Variants in CACNA1E observed in about 807,000 individuals in gnomAD.
The protein encoded by CACNA1E is calcium voltage-gated channel subunit alpha1 E.
CACNA1E carries 40 observed loss-of-function variants against 259.2 expected under a neutral mutation model. The ratio of observed to expected loss-of-function variants is 0.15; its 90% CI spans 0.12 to 0.20. CACNA1E has a LOEUF of 0.20. CACNA1E is among the 10% of genes least tolerant of loss of function. The pLI, the probability that CACNA1E is intolerant of heterozygous loss-of-function variation, is 1.00. For missense variants in CACNA1E, 1,874 were observed against 3,040.1 expected, an observed-to-expected ratio of 0.62 and a Z score of 9.02; for synonymous variants, 1,104 against 1,138.5, an observed-to-expected ratio of 0.97 and a Z score of 0.61.
chr1:181,658,105 T>C (rs2102110438), intron 7 of CACNA1E, among the ~76,000 whole-genome samples: 1 of 152,372 alleles, frequency 6.6e-6, no homozygotes, highest in South Asian at 2.1e-4. Context: ...AGACAGATTC[T>C]TACTATATAT....
chr1:181,772,193 G>C lies in CACNA1E; in HGVS notation c.5101G>C (p.Val1701Leu). 1 of 1,613,914 alleles carries C rather than the reference G, an allele frequency of 6.2e-7. No homozygotes were observed. The highest frequency in any genetic ancestry group is 8.5e-7 in the Non-Finnish European group (1 of 1,179,826). ...NERCGTDLAY[V>L]YFVSFIFFCS... ...ACGCTGCGGCACCGATCTGGCCTAC[G>C]TGTACTTTGTCTCCTTCATCTTCTT... Residue 1701 changes from valine (V) to leucine (L), a missense_variant, in exon 37 of 48, where the codon GTG (valine) becomes CTG (leucine). By Grantham distance (32) the Val-to-Leu change is conservative. Coordinates refer to ENST00000367573, the MANE Select transcript of CACNA1E (RefSeq NM_001205293.3).
intron 6 of CACNA1E, among the ~76,000 whole-genome samples, chr1:181,582,382 G>C (rs1268230197): frequency 6.6e-6 from 1 of 152,234 alleles, no homozygotes; most frequent in African/African-American, 2.4e-5. Flanking sequence ...TTGAGGCCAT[G>C]CCACTCAAAT....
At chr1:181,417,671 T>G (rs1222239257) in intron 2 of CACNA1E, among the ~76,000 whole-genome samples, 1 of 152,196 alleles carries the variant, frequency 6.6e-6, no homozygotes, top group Admixed American at 6.5e-5. Context: ...CTATTCACTC[T>G]CACACTCCTC....
intron 3 of CACNA1E, among the ~76,000 whole-genome samples, chr1:181,550,185 G>T (rs1038718040): frequency 6.6e-6 from 1 of 152,138 alleles, no homozygotes; most frequent in Non-Finnish European, 1.5e-5. Flanking sequence ...ATACTTAGGG[G>T]TCTTTAAACT....
In CACNA1E at chr1:181,358,474, T is replaced by A. The variant is rs554588731; in HGVS notation, c.-15+40351T>A. Among the ~76,000 whole-genome samples the A allele has an allele frequency of 4.4e-4, 67 of 152,354 alleles. 2 individuals are homozygous for A. In the South Asian group the frequency reaches 0.011, roughly 25 times the overall value. On this transcript the variant is annotated intron_variant, in intron 1 of 11. Transcript: ENST00000524607. ...ATTTGGTGAAATCTTATTCAATGTA[T>A]AATCTTATGAAAATTTACTAGGTTG...
chr1:181,365,939 A>G (rs1275313555), intron 1 of CACNA1E, among the ~76,000 whole-genome samples: 1 of 152,202 alleles, frequency 6.6e-6, no homozygotes, highest in African/African-American at 2.4e-5. Flanking sequence ...GGTGAGCACA[A>G]GTGAGATGGT....
At chr1:181,531,274 G>C (rs1320688012) in intron 3 of CACNA1E, among the ~76,000 whole-genome samples, 1 of 152,150 alleles carries the variant, frequency 6.6e-6, no homozygotes, top group Non-Finnish European at 1.5e-5. Flanking sequence ...TGTTGTGTGG[G>C]AACCAGTCTA....
intron 3 of CACNA1E, among the ~76,000 whole-genome samples, chr1:181,512,674 C>T (rs553458155): frequency 6.6e-6 from 1 of 152,262 alleles, no homozygotes; most frequent in South Asian, 2.1e-4. Flanking sequence ...AGAGAAAACA[C>T]TGAAGATGTA....
chr1:181,782,768 T>TAAA (rs1324878749), intron 39 of CACNA1E, among the ~76,000 whole-genome samples: 8 of 152,216 alleles, frequency 5.3e-5, no homozygotes, highest in South Asian at 2.1e-4. Flanking sequence ...GTGCACAGCT[T>TAAA]AGGGGCTGGC....
At chr1:181,452,571 G>A (rs1486606647) in intron 2 of CACNA1E, among the ~76,000 whole-genome samples, 1 of 152,132 alleles carries the variant, frequency 6.6e-6, no homozygotes, top group East Asian at 1.9e-4. Flanking sequence ...CTCAGCCAGG[G>A]CTCTCAGGAA....
chr1:181,430,568 A>T (rs1659646759), intron 2 of CACNA1E, among the ~76,000 whole-genome samples: 1 of 152,146 alleles, frequency 6.6e-6, no homozygotes, highest in African/African-American at 2.4e-5. Context: ...CGAAAAGAGG[A>T]GGAAACCTTT....
At chr1:181,420,557 A>G (rs907529100) in intron 2 of CACNA1E, among the ~76,000 whole-genome samples, 2 of 152,212 alleles carry the variant, frequency 1.3e-5, no homozygotes, top group African/African-American at 4.8e-5. Context: ...ATTATTTATA[A>G]TTTACAGGAG....
chr1:181,737,971 G>A (rs1363329354), intron 23 of CACNA1E, among the ~76,000 whole-genome samples: 1 of 152,218 alleles, frequency 6.6e-6, no homozygotes, highest in Non-Finnish European at 1.5e-5. Context: ...CCACCACAGG[G>A]GGCCAAGGCC....
chr1:181,737,720 G>A (rs1656182633), intron 23 of CACNA1E, 66 bp downstream of exon 23: 4 of 1,558,808 alleles, frequency 2.6e-6, no homozygotes, highest in Middle Eastern at 1.7e-4. Context: ...CCCAGCACTG[G>A]AGGTGAACCG....
chr1:181,542,556 A>T (rs753666342), intron 3 of CACNA1E, among the ~76,000 whole-genome samples: 10 of 151,896 alleles, frequency 6.6e-5, no homozygotes, highest in South Asian at 2.1e-4. Flanking sequence ...TTCTCACGAG[A>T]TCTGATGGTT....
At position 181,784,654 on chromosome 1, in the gene CACNA1E, A is replaced by T. The variant is rs775154717; in HGVS notation, c.5471-7A>T. Reference sequence around the variant, plus strand: ...ATTCTATTTATTAGTAATTTATCTTATTCTAGGTGGTGCAGACAGGCAGCA... The same window carrying T: ...ATTCTATTTATTAGTAATTTATCTTTTTCTAGGTGGTGCAGACAGGCAGCA... On this transcript the variant is annotated splice_region_variant and splice_polypyrimidine_tract_variant and intron_variant, in intron 40 of 47. Coordinates refer to ENST00000367573, the MANE Select transcript of CACNA1E (RefSeq NM_001205293.3). 14 of 1,548,752 alleles carry T rather than the reference A, an allele frequency of 9.0e-6. No individual in the cohort carries two copies. Among genetic ancestry groups the T allele is most frequent in the Non-Finnish European group, 1.1e-5 (13 of 1,141,094 alleles).
intron 43 of CACNA1E, among the ~76,000 whole-genome samples, chr1:181,787,150 C>T (rs868576386): frequency 2.6e-5 from 4 of 152,054 alleles, no homozygotes; most frequent in Non-Finnish European, 4.4e-5. Context: ...GACGGAGTCT[C>T]GCTCTGTTGC....
intron 22 of CACNA1E, among the ~76,000 whole-genome samples, chr1:181,736,856 T>C (rs1656087651): frequency 6.6e-6 from 1 of 152,102 alleles, no homozygotes; most frequent in Non-Finnish European, 1.5e-5. Flanking sequence ...CTGCTCTACA[T>C]GTGGAGTTTT....
chr1:181,565,963 A>T (rs984552451), intron 3 of CACNA1E, among the ~76,000 whole-genome samples: 3 of 152,118 alleles, frequency 2.0e-5, no homozygotes, highest in African/African-American at 7.2e-5. Context: ...CAACTCAAAG[A>T]ACATGTATTT....
Sources: gnomAD v4.1 joint callset for allele counts (sites outside exome capture counted in the v4.1 genomes callset) on GRCh38, gnomAD v4.1.1 for gene constraint, MANE v1.5 for transcripts, NCBI Gene and HGNC (gene_info 2026-07-23, HGNC 2026-07-21) for gene names.